Variants in CNTN4 observed in about 807,000 individuals in gnomAD.
CNTN4 encodes contactin 4.
CNTN4 carries 77 observed loss-of-function variants against 122.5 expected under a neutral mutation model. The ratio of observed to expected loss-of-function variants is 0.63; its 90% CI spans 0.52 to 0.76. CNTN4 has a LOEUF of 0.76. Ranked by LOEUF, CNTN4 falls within the 30% of genes least tolerant of loss-of-function variation. The pLI, the probability that CNTN4 is intolerant of heterozygous loss-of-function variation, is 0.00. For synonymous variants in CNTN4, 512 were observed against 447.0 expected (o/e 1.15, Z -1.83); for missense variants, 1,256 against 1,259.1 (o/e 1.00, Z 0.04).
chr3:2,916,685 C>T (rs957009435), intron 12 of CNTN4, among the ~76,000 whole-genome samples: 1 of 134,754 alleles, frequency 7.4e-6, no homozygotes, highest in Non-Finnish European at 1.6e-5. Flanking sequence ...CCGCCATCGT[C>T]ATCATGGCCC....
chr3:2,359,701 T>C (rs2045039570), intron 3 of CNTN4, among the ~76,000 whole-genome samples: 1 of 151,952 alleles, frequency 6.6e-6, no homozygotes, highest in South Asian at 2.1e-4. Flanking sequence ...CACCACGCCC[T>C]GCTAATTTTT....
chr3:2,276,994 T>A (rs1375716056), intron 2 of CNTN4, among the ~76,000 whole-genome samples: 1 of 152,140 alleles, frequency 6.6e-6, no homozygotes, highest in Non-Finnish European at 1.5e-5. Flanking sequence ...ACAGGATGGC[T>A]CAGGATATCA....
intron 2 of CNTN4, among the ~76,000 whole-genome samples, chr3:2,204,357 A>C (rs1397030070): frequency 1.3e-5 from 2 of 152,206 alleles, no homozygotes; most frequent in East Asian, 3.8e-4. Flanking sequence ...CATTTAATAA[A>C]ATTATATGTA....
chr3:2,996,827 G>A (rs1035935438), intron 14 of CNTN4, among the ~76,000 whole-genome samples: 2 of 152,080 alleles, frequency 1.3e-5, no homozygotes, highest in East Asian at 1.9e-4. Flanking sequence ...CTATGAATGC[G>A]ATAAAATTCT....
At chr3:2,616,939 C>T (rs552207282) in intron 4 of CNTN4, among the ~76,000 whole-genome samples, 32 of 152,012 alleles carry the variant, frequency 2.1e-4, no homozygotes, top group Non-Finnish European at 3.5e-4. Context: ...GCTAGCCATA[C>T]GCAGAAAACT....
At chr3:2,718,323 A>G (rs1185089418) in intron 4 of CNTN4, among the ~76,000 whole-genome samples, 1 of 152,108 alleles carries the variant, frequency 6.6e-6, no homozygotes, top group African/African-American at 2.4e-5. Flanking sequence ...ACATTTTGGT[A>G]ATTATCTATG....
rs145153070 is a variant in CNTN4 at position 2,379,375 on chromosome 3, G to T, written c.-89+40142G>T. ...CTATTATAGAAGGGAAAACTATAAG[G>T]TTACAGATTCTGGGTACTGATCCCA... On this transcript the variant is annotated intron_variant, in intron 3 of 24. Coordinates refer to ENST00000418658, the MANE Select transcript of CNTN4 (RefSeq NM_175607.3). Among the ~76,000 whole-genome samples, 381 of 152,068 alleles carry T rather than the reference G, an allele frequency of 2.5e-3. 3 individuals are homozygous for T. The highest frequency in any genetic ancestry group is 0.014 in the East Asian group (72 of 5,162).
At chr3:2,136,576 G>T (rs2034702313) in intron 2 of CNTN4, among the ~76,000 whole-genome samples, 1 of 151,992 alleles carries the variant, frequency 6.6e-6, no homozygotes, top group South Asian at 2.1e-4. Context: ...GGTAATGCTT[G>T]GTTTAAAGCA....
intron 3 of CNTN4, among the ~76,000 whole-genome samples, chr3:2,344,143 C>T (rs1038654425): frequency 6.6e-6 from 1 of 152,126 alleles, no homozygotes; most frequent in African/African-American, 2.4e-5. Context: ...GATTTCGACA[C>T]GACATTTGGA....
At chr3:2,141,939 A>G (rs971248433) in intron 2 of CNTN4, among the ~76,000 whole-genome samples, 1 of 152,232 alleles carries the variant, frequency 6.6e-6, no homozygotes, top group Admixed American at 6.5e-5. Context: ...TTAGTGGCTT[A>G]ATCAGAAACT....
intron 3 of CNTN4, among the ~76,000 whole-genome samples, chr3:2,508,556 A>G (rs149851203): frequency 3.6e-4 from 55 of 152,312 alleles, no homozygotes; most frequent in African/African-American, 1.3e-3. Flanking sequence ...TGTAATGGCC[A>G]GAAAGAGACC....
At chr3:2,201,313 G>C (rs1204442775) in intron 2 of CNTN4, among the ~76,000 whole-genome samples, 1 of 152,120 alleles carries the variant, frequency 6.6e-6, no homozygotes, top group Non-Finnish European at 1.5e-5. Flanking sequence ...GTTCTTAATT[G>C]GGTACAAGAT....
At chr3:2,976,042 A>G (rs1693387684) in intron 13 of CNTN4, among the ~76,000 whole-genome samples, 1 of 152,172 alleles carries the variant, frequency 6.6e-6, no homozygotes, top group Non-Finnish European at 1.5e-5. Flanking sequence ...ATGACATCCA[A>G]ACATGTCCTT....
chr3:2,666,638 C>T (rs997599771), intron 4 of CNTN4, among the ~76,000 whole-genome samples: 6 of 151,956 alleles, frequency 3.9e-5, no homozygotes. Context: ...TACATGTGCA[C>T]AACGTGCAGG....
At chr3:2,423,188 C>A (rs991524305) in intron 3 of CNTN4, among the ~76,000 whole-genome samples, 1 of 152,326 alleles carries the variant, frequency 6.6e-6, no homozygotes, top group African/African-American at 2.4e-5. Flanking sequence ...TCTGGAAAGC[C>A]TCACAAGTTG....
At chr3:2,454,719 C>A (rs979934025) in intron 3 of CNTN4, among the ~76,000 whole-genome samples, 2 of 144,664 alleles carry the variant, frequency 1.4e-5, no homozygotes, top group Non-Finnish European at 3.0e-5. Context: ...GTGCTTGTTT[C>A]CTACTCCATT....
rs183115185 is a variant in CNTN4, at chr3:2,106,446, T to G, written c.-145+5807T>G. ...TAGGCAGAGGTTCCCAAACCTTCAT[T>G]TTTGTCTTCTGCACACCCACAGGAC... On this transcript the variant is annotated intron_variant, in intron 2 of 24. Coordinates refer to ENST00000418658, the MANE Select transcript of CNTN4 (RefSeq NM_175607.3). Among the ~76,000 whole-genome samples the G allele has an allele frequency of 2.1e-4, 32 of 152,318 alleles. No individual in the cohort carries two copies. The East Asian group carries it at 6.0e-3, about 28-fold the overall frequency.
At chr3:2,282,684 A>G (rs765173337) in intron 2 of CNTN4, among the ~76,000 whole-genome samples, 20 of 152,178 alleles carry the variant, frequency 1.3e-4, no homozygotes, top group Admixed American at 1.2e-3. Flanking sequence ...CGTTTACACA[A>G]AATCATGTAC....
At chr3:2,268,931 G>T (rs1211730577) in intron 2 of CNTN4, among the ~76,000 whole-genome samples, 2 of 152,082 alleles carry the variant, frequency 1.3e-5, no homozygotes, top group Non-Finnish European at 2.9e-5. Context: ...AAGGAATTAG[G>T]TGGCTGATTA....
Sources: allele counts gnomAD v4.1 joint callset (sites outside exome capture counted in the v4.1 genomes callset), GRCh38; gene constraint gnomAD v4.1.1; transcripts MANE v1.5; gene names NCBI Gene and HGNC (gene_info 2026-07-23, HGNC 2026-07-21).